NTRK3: variants seen among roughly 807,000 people sequenced by gnomAD.
NTRK3 encodes NT-3 growth factor receptor.
NTRK3 carries 24 observed loss-of-function variants against 91.7 expected under a neutral mutation model. The observed-to-expected ratio is 0.26, with a 90% CI of 0.19 to 0.37. The LOEUF is 0.37. Ranked by LOEUF, NTRK3 falls within the 10% of genes least tolerant of loss-of-function variation. The pLI is 1.00. For missense variants in NTRK3, 880 were observed against 1,068.9 expected, an observed-to-expected ratio of 0.82 and a Z score of 2.46; for synonymous variants, 483 against 404.0, an observed-to-expected ratio of 1.20 and a Z score of -2.34.
chr15:88,137,917 G>A (rs2042027652), intron 6 of NTRK3, among the ~76,000 whole-genome samples: 2 of 152,156 alleles, frequency 1.3e-5, no homozygotes, highest in Admixed American at 6.5e-5. Context: ...CGTGCGTGGT[G>A]GCGCACGCCT....
At chr15:88,115,652 T>TATC (rs1363895034) in intron 13 of NTRK3, among the ~76,000 whole-genome samples, 1 of 151,910 alleles carries the variant, frequency 6.6e-6, no homozygotes, top group African/African-American at 2.4e-5. Context: ...TTCCAGGACT[T>TATC]ATCAGTCCTG....
intron 3 of NTRK3, among the ~76,000 whole-genome samples, chr15:88,242,029 G>A (rs765118309): frequency 2.0e-5 from 3 of 152,138 alleles, no homozygotes; most frequent in Admixed American, 2.0e-4. Flanking sequence ...ATAAACCCAC[G>A]TTGGATAAAT....
chr15:87,979,214 G>T (rs2073988713), intron 14 of NTRK3: 3 of 776,454 alleles, frequency 3.9e-6, no homozygotes, highest in Admixed American at 1.8e-5. Flanking sequence ...AGGGTGCCGG[G>T]GCACTGGTGG....
At chr15:88,183,330 A>C in intron 5 of NTRK3, 88 bp downstream of exon 5, 1 of 1,386,052 alleles carries the variant, frequency 7.2e-7, no homozygotes, top group South Asian at 1.2e-5. Context: ...GGAGGCAAAA[A>C]GCCAGGTCTA....
At chr15:88,226,712 C>T (rs2050709885) in intron 3 of NTRK3, among the ~76,000 whole-genome samples, 1 of 152,250 alleles carries the variant, frequency 6.6e-6, no homozygotes, top group Admixed American at 6.5e-5. Flanking sequence ...TGGGCCCACA[C>T]TCACATGGTC....
chr15:88,035,962 G>C (rs1244875704), intron 13 of NTRK3, among the ~76,000 whole-genome samples: 2 of 152,060 alleles, frequency 1.3e-5, no homozygotes, highest in African/African-American at 2.4e-5. Context: ...ATTAAACAAA[G>C]AGGAAAGAGG....
At chr15:88,203,499 A>G (rs185042860) in intron 3 of NTRK3, among the ~76,000 whole-genome samples, 7 of 152,146 alleles carry the variant, frequency 4.6e-5, no homozygotes, top group Non-Finnish European at 8.8e-5. Context: ...AGGTTTTATC[A>G]TTCTTGTTTA....
At chr15:88,157,383 G>T (rs945686307) in intron 5 of NTRK3, among the ~76,000 whole-genome samples, 2 of 151,782 alleles carry the variant, frequency 1.3e-5, no homozygotes, top group African/African-American at 4.8e-5. Flanking sequence ...ACCCCTCCCT[G>T]CCTCTCAAGG....
chr15:88,034,671 C>T (rs929142041), intron 13 of NTRK3, among the ~76,000 whole-genome samples: 9 of 152,150 alleles, frequency 5.9e-5, no homozygotes, highest in Non-Finnish European at 5.9e-5. Context: ...CATCAAATAG[C>T]GAGGTGAAGC....
intron 14 of NTRK3, among the ~76,000 whole-genome samples, chr15:87,959,679 G>A (rs1337605976): frequency 6.6e-6 from 1 of 152,140 alleles, no homozygotes; most frequent in African/African-American, 2.4e-5. Context: ...TCAATCTGAG[G>A]CCCTACGCTC....
chr15:88,064,634 C>T (rs560401958), intron 13 of NTRK3, among the ~76,000 whole-genome samples: 1 of 152,150 alleles, frequency 6.6e-6, no homozygotes, highest in Non-Finnish European at 1.5e-5. Context: ...CCATAGCTAC[C>T]ACATTGTAAC....
chr15:88,116,693 A>G (rs2052121097), intron 13 of NTRK3, among the ~76,000 whole-genome samples: 1 of 152,168 alleles, frequency 6.6e-6, no homozygotes, highest in African/African-American at 2.4e-5. Flanking sequence ...CCCCAGACCT[A>G]TTGAACCAGA....
chr15:88,070,636 C>A (rs1289461627), intron 13 of NTRK3, among the ~76,000 whole-genome samples: 3 of 152,086 alleles, frequency 2.0e-5, no homozygotes, highest in Non-Finnish European at 4.4e-5. Context: ...TCTCCAGTAG[C>A]CTCTCCTCAC....
At chr15:88,118,225 G>C (rs1475559765) in intron 13 of NTRK3, among the ~76,000 whole-genome samples, 1 of 152,224 alleles carries the variant, frequency 6.6e-6, no homozygotes, top group African/African-American at 2.4e-5. Context: ...GTTCACAGGA[G>C]AATGAGCTGC....
chr15:88,233,291 T>C lies in NTRK3; in HGVS notation c.248+22615A>G, dbSNP rs80106415. 6.0e-3 allele frequency among the ~76,000 whole-genome samples: 921 copies of C among 152,278 alleles called. 6 individuals are homozygous for C. The highest frequency in any genetic ancestry group is 0.021 in the African/African-American group (885 of 41,564). On this transcript the variant is annotated intron_variant, in intron 3 of 18. Transcript: ENST00000394480. The surrounding 1 kb of genome is among the most constrained non-coding windows in gnomAD (Gnocchi z 4.2). ...GACTTCATTTGCAGAGATATTATAA[T>C]GCAGATCACTTGTGAAACACCTCTG...
intron 17 of NTRK3, among the ~76,000 whole-genome samples, chr15:87,885,241 A>G (rs1046038234): frequency 3.9e-5 from 6 of 151,984 alleles, no homozygotes; most frequent in Admixed American, 3.3e-4. Context: ...AAATGCATTG[A>G]AAAACATAAA....
Position 88,193,029 on chromosome 15 carries a change from T to C in NTRK3, c.249-8730A>G, listed in dbSNP as rs902210688. Among the ~76,000 whole-genome samples the C allele has an allele frequency of 9.9e-5, 15 of 152,204 alleles. No individual in the cohort carries two copies. The South Asian group carries it at 2.1e-3, about 21-fold the overall frequency. Reference sequence around the variant, plus strand: ...ATAATGCATGAGAACAGAGATCATATCTGTCTTACTCACCATTTACTCACC... The same window carrying C: ...ATAATGCATGAGAACAGAGATCATACCTGTCTTACTCACCATTTACTCACC... On this transcript the variant is annotated intron_variant, in intron 3 of 18. Coordinates refer to ENST00000394480, the Ensembl canonical transcript of NTRK3.
intron 3 of NTRK3, among the ~76,000 whole-genome samples, chr15:88,208,884 G>A (rs1172356421): frequency 4.8e-5 from 5 of 103,594 alleles, no homozygotes; most frequent in African/African-American, 1.1e-4. Flanking sequence ...GGTTCCTTAG[G>A]GGATCAAGTT....
At chr15:88,227,264 A>G (rs1342994639) in intron 3 of NTRK3, among the ~76,000 whole-genome samples, 1 of 151,692 alleles carries the variant, frequency 6.6e-6, no homozygotes, top group Non-Finnish European at 1.5e-5. Context: ...TTTCCCACCA[A>G]CCTATCACCA....
Sources: gnomAD v4.1 joint callset for allele counts (sites outside exome capture counted in the v4.1 genomes callset) on GRCh38, gnomAD v4.1.1 for gene constraint, Gnocchi (gnomAD v3.1) non-coding constraint, MANE v1.5 for transcripts, NCBI Gene and HGNC (gene_info 2026-07-23, HGNC 2026-07-21) for gene names.